Variants in KPNA6 observed in about 807,000 individuals in gnomAD.
KPNA6 encodes the protein importin subunit alpha-7.
A neutral mutation model predicts 72.0 loss-of-function variants in KPNA6; 9 were observed. The observed-to-expected ratio is 0.13, with a 90% CI of 0.08 to 0.22. The LOEUF (loss-of-function observed/expected upper bound fraction) is 0.22. Among genes scored for constraint, KPNA6 ranks in the 10% least tolerant of loss-of-function variants. The pLI, the probability that KPNA6 is intolerant of heterozygous loss-of-function variation, is 1.00. For synonymous variants in KPNA6, 219 were observed against 242.1 expected (o/e 0.90, Z 0.89); for missense variants, 374 against 655.7 (o/e 0.57, Z 4.69).
At chr1:32,129,617 G>A (rs1641601864) in intron 1 of KPNA6, among the ~76,000 whole-genome samples, 1 of 152,004 alleles carries the variant, frequency 6.6e-6, no homozygotes, top group African/African-American at 2.4e-5. Flanking sequence ...GTGCAGTAGC[G>A]CCATCATAGC....
intron 1 of KPNA6, among the ~76,000 whole-genome samples, chr1:32,128,122 C>T (rs192513790): frequency 2.6e-5 from 4 of 151,856 alleles, no homozygotes; most frequent in African/African-American, 9.7e-5. Flanking sequence ...GTGAAGTGTT[C>T]CTAGAAAGGT....
intron 12 of KPNA6, among the ~76,000 whole-genome samples, chr1:32,168,178 G>T (rs1161985840): frequency 3.3e-5 from 5 of 152,178 alleles, no homozygotes; most frequent in Non-Finnish European, 7.4e-5. Context: ...AAACAAAAAA[G>T]CAGCTTCTTT....
At chr1:32,169,765 A>T in intron 12 of KPNA6, 117 bp from the exon 13 acceptor site, 1 of 974,530 alleles carries the variant, frequency 1.0e-6, no homozygotes, top group East Asian at 2.5e-5. Context: ...CGGCCTCACA[A>T]TTCTTAAAAA....
intron 7 of KPNA6, among the ~76,000 whole-genome samples, 178 bp from the exon 8 acceptor site, chr1:32,161,769 A>G (rs985779917): frequency 2.0e-4 from 30 of 152,106 alleles, no homozygotes; most frequent in Admixed American, 1.2e-3. Flanking sequence ...TGAAATGAAT[A>G]CTCTGTATAG....
rs954523398 is a variant in KPNA6 at position 32,171,974 on chromosome 1, TTTC to T, written c.*1096_*1098del. 35 of 152,184 alleles carry T rather than the reference TTTC, an allele frequency of 2.3e-4. No homozygotes were observed. The highest frequency in any genetic ancestry group is 3.4e-3 in the Middle Eastern group (1 of 296). 9.4% of individuals were successfully genotyped at this position (152,184 alleles called of 1,614,324 possible). A position where few individuals can be genotyped will look rare whatever the true frequency, so the allele number is the denominator to read the frequency against. On this transcript the variant is annotated 3_prime_UTR_variant, in exon 14 of 14. Coordinates refer to ENST00000373625, the MANE Select transcript of KPNA6 (RefSeq NM_012316.5). ...TAGTCAGGGATCCCTGCCTTTGGCCTTTCTTCTTCTTCTTCTTCCTCTTCCATA... is the reference window on the plus strand; with the variant it reads ...TAGTCAGGGATCCCTGCCTTTGGCCTTTCTTCTTCTTCTTCCTCTTCCATA...
chr1:32,167,859 A>G (rs72666769), intron 12 of KPNA6, among the ~76,000 whole-genome samples: 1 of 148,228 alleles, frequency 6.7e-6, no homozygotes, highest in Non-Finnish European at 1.5e-5. Context: ...GTCACAAAAA[A>G]AAAAAAAAAC....
At chr1:32,108,524 A>G (rs963149774) in intron 1 of KPNA6, among the ~76,000 whole-genome samples, 6 of 152,192 alleles carry the variant, frequency 3.9e-5, no homozygotes, top group South Asian at 2.1e-4. Flanking sequence ...TGTTTGGCCA[A>G]CGCGTGTCTT....
chr1:32,163,130 A>T, intron 9 of KPNA6, 105 bp from the exon 10 acceptor site: 1 of 703,042 alleles, frequency 1.4e-6, no homozygotes, highest in Non-Finnish European at 2.5e-6. Flanking sequence ...AGAAAAAAAA[A>T]GGGTACAGGT....
chr1:32,153,166 TA>T (rs1385616942), intron 1 of KPNA6, among the ~76,000 whole-genome samples: 1 of 151,354 alleles, frequency 6.6e-6, no homozygotes, highest in African/African-American at 2.4e-5. Flanking sequence ...AAGACTAAAA[TA>T]AAAATAGTCA....
In KPNA6 at chr1:32,162,390, C is replaced by T; in HGVS notation, c.777C>T (p.Arg259=). 6.2e-7 allele frequency: 1 copy of T among 1,611,244 alleles called. No homozygotes were observed. The highest frequency in any genetic ancestry group is 8.5e-7 in the Non-Finnish European group (1 of 1,178,508). Reference sequence around the variant, plus strand: ...CTCCTTGTTTGCCTGTACTGTCTCGCCTACTCTTCAGCAGCGACTCGGACT... The same window carrying T: ...CTCCTTGTTTGCCTGTACTGTCTCGTCTACTCTTCAGCAGCGACTCGGACT... The part of the protein sequence containing the change: ...KVSPCLPVLS[R]LLFSSDSDLL... The change falls in exon 9 of 14, where the codon CGC becomes CGT. Residue 259 remains arginine, a synonymous_variant. Transcript: ENST00000373625.
chr1:32,137,512 C>T (rs1641755391), intron 1 of KPNA6, among the ~76,000 whole-genome samples: 1 of 152,068 alleles, frequency 6.6e-6, no homozygotes, highest in African/African-American at 2.4e-5. Flanking sequence ...TATTCCTAGT[C>T]CAGATTCTTG....
At chr1:32,110,006 T>A (rs1215812334) in intron 1 of KPNA6, among the ~76,000 whole-genome samples, 1 of 151,386 alleles carries the variant, frequency 6.6e-6, no homozygotes, top group Non-Finnish European at 1.5e-5. Context: ...AGTGAATTGA[T>A]AACTCTAATT....
intron 1 of KPNA6, among the ~76,000 whole-genome samples, chr1:32,114,627 T>G (rs1007224491): frequency 1.3e-5 from 2 of 152,110 alleles, no homozygotes; most frequent in Non-Finnish European, 2.9e-5. Context: ...CCAGCTGCAT[T>G]AGCCCATAAC....
intron 1 of KPNA6, among the ~76,000 whole-genome samples, chr1:32,119,026 A>ATTTTTT (rs1221375496): frequency 7.2e-5 from 5 of 69,390 alleles, no homozygotes; most frequent in African/African-American, 2.6e-4. Flanking sequence ...ATATATATAT[A>ATTTTTT]TATATATTTT....
At chr1:32,125,793 G>A (rs987532409) in intron 1 of KPNA6, among the ~76,000 whole-genome samples, 1 of 152,024 alleles carries the variant, frequency 6.6e-6, no homozygotes, top group Non-Finnish European at 1.5e-5. Flanking sequence ...GCATTATGGT[G>A]CATATAACTT....
intron 1 of KPNA6, among the ~76,000 whole-genome samples, chr1:32,122,553 G>A (rs1641452003): frequency 6.6e-6 from 1 of 152,120 alleles, no homozygotes; most frequent in African/African-American, 2.4e-5. Flanking sequence ...GGGAGGCTCA[G>A]GTGGGAGGAT....
intron 1 of KPNA6, among the ~76,000 whole-genome samples, chr1:32,128,383 GTATTTATATATATA>G (rs1338230171): frequency 3.0e-5 from 1 of 33,190 alleles, no homozygotes; most frequent in Non-Finnish European, 6.6e-5. Flanking sequence ...TATTATATAT[GTATTTATATATATA>G]TATATATATA....
intron 10 of KPNA6, among the ~76,000 whole-genome samples, chr1:32,163,876 T>A (rs57266018): frequency 0.082 from 12,495 of 152,280 alleles, 754 homozygotes; most frequent in South Asian, 0.25. Context: ...CAAACCCACA[T>A]GCTCATTTTC....
At chr1:32,139,725 T>C (rs1361722675) in intron 1 of KPNA6, among the ~76,000 whole-genome samples, 3 of 152,220 alleles carry the variant, frequency 2.0e-5, no homozygotes, top group Admixed American at 6.6e-5. Flanking sequence ...AATGATATTG[T>C]AGTTTTTAAA....
Sources: gnomAD v4.1 joint callset for allele counts (sites outside exome capture counted in the v4.1 genomes callset) on GRCh38, gnomAD v4.1.1 for gene constraint, MANE v1.5 for transcripts, NCBI Gene and HGNC (gene_info 2026-07-23, HGNC 2026-07-21) for gene names.